SLC30A7: variants seen among roughly 807,000 people sequenced by gnomAD.
The protein encoded by SLC30A7 is zinc transporter 7.
Under a neutral mutation model 46.0 loss-of-function variants are expected in SLC30A7, and 35 were observed. The ratio of observed to expected loss-of-function variants is 0.76; its 90% CI spans 0.58 to 1.01. The LOEUF (loss-of-function observed/expected upper bound fraction) is 1.01. Among genes scored for constraint, SLC30A7 ranks in the 50% least tolerant of loss-of-function variants. SLC30A7 has a pLI of 0.00. For missense variants in SLC30A7, 464 were observed against 451.1 expected, an observed-to-expected ratio of 1.03 and a Z score of -0.26; for synonymous variants, 147 against 157.8, an observed-to-expected ratio of 0.93 and a Z score of 0.51.
intron 8 of SLC30A7, among the ~76,000 whole-genome samples, chr1:100,949,730 TC>T (rs1237245899): frequency 6.6e-6 from 1 of 152,078 alleles, no homozygotes; most frequent in Non-Finnish European, 1.5e-5. Flanking sequence ...CAGATGCCCC[TC>T]CCCCAGCCAG....
intron 10 of SLC30A7, among the ~76,000 whole-genome samples, chr1:100,970,788 A>G (rs1266823813): frequency 1.3e-5 from 2 of 151,894 alleles, no homozygotes; most frequent in Non-Finnish European, 2.9e-5. Context: ...ACACTTCACA[A>G]TCATAACTGT....
In SLC30A7 at chr1:100,915,108, C is replaced by CTTCCTTTTCTTT. The variant is rs1553236516; in HGVS notation, c.655+1304_655+1305insCCTTTTCTTTTT. Among the ~76,000 whole-genome samples the CTTCCTTTTCTTT allele has an allele frequency of 7.2e-4, 110 of 152,060 alleles. 2 individuals carry two copies. Among genetic ancestry groups the CTTCCTTTTCTTT allele is most frequent in the African/African-American group, 2.6e-3 (106 of 41,424 alleles). Reference sequence around the variant, plus strand: ...TGAAAGTTTCCTCCTACTCTCAATTCTTTCTTTTCTTTTTTCTTTTCTTTT... The same window carrying CTTCCTTTTCTTT: ...TGAAAGTTTCCTCCTACTCTCAATTCTTCCTTTTCTTTTTTCTTTTCTTTTTTCTTTTCTTTT... On this transcript the variant is annotated intron_variant, in intron 6 of 10. Coordinates refer to ENST00000357650, the MANE Select transcript of SLC30A7 (RefSeq NM_133496.5).
chr1:100,918,113 G>T lies in SLC30A7; in HGVS notation c.692G>T (p.Arg231Ile). The T allele has an allele frequency of 1.9e-6, 3 of 1,612,684 alleles. No homozygotes were observed. The highest frequency in any genetic ancestry group is 2.5e-6 in the Non-Finnish European group (3 of 1,179,102). Residue 231 changes from arginine to isoleucine, a missense_variant, in exon 7 of 11, where the codon AGA becomes ATA. By Grantham distance (97) the Arg-to-Ile change is moderately conservative. Transcript: ENST00000357650. The part of the protein sequence containing the change: ...PSLKETTGPS[R>I]QILQGVFLHI... ...TTAAAAGAAACAACAGGACCCAGCA[G>T]ACAGATTTTACAAGGTATGACAAGC...
chr1:100,901,488 T>A (rs375504634), intron 2 of SLC30A7, among the ~76,000 whole-genome samples: 2 of 152,238 alleles, frequency 1.3e-5, no homozygotes, highest in East Asian at 3.8e-4. Flanking sequence ...GGAGTCTTAC[T>A]GTGTTGCCCA....
chr1:100,948,512 TTG>T (rs1654772729), intron 8 of SLC30A7, among the ~76,000 whole-genome samples: 1 of 152,146 alleles, frequency 6.6e-6, no homozygotes, highest in Non-Finnish European at 1.5e-5. Context: ...AATCTGACAA[TTG>T]TGTGTCTTGG....
chr1:100,974,757 A>T, intron 10 of SLC30A7, 53 bp from the exon 11 acceptor site: 1 of 1,303,246 alleles, frequency 7.7e-7, no homozygotes, highest in Non-Finnish European at 1.1e-6. Context: ...TGAAATGTGT[A>T]GGGTGTTATT....
At chr1:100,902,501 G>T (rs1166049900) in intron 2 of SLC30A7, among the ~76,000 whole-genome samples, 1 of 152,082 alleles carries the variant, frequency 6.6e-6, no homozygotes, top group Non-Finnish European at 1.5e-5. Flanking sequence ...TGCTAGTCTG[G>T]TGTAATAAAA....
intron 8 of SLC30A7, among the ~76,000 whole-genome samples, chr1:100,948,312 G>C (rs577549395): frequency 9.9e-5 from 15 of 152,200 alleles, no homozygotes; most frequent in Non-Finnish European, 1.8e-4. Flanking sequence ...GCTTAGTTTG[G>C]CTGGATATGA....
chr1:100,947,033 G>A (rs1252434667), intron 8 of SLC30A7, among the ~76,000 whole-genome samples: 1 of 152,122 alleles, frequency 6.6e-6, no homozygotes, highest in African/African-American at 2.4e-5. Flanking sequence ...ATGTGTCAAG[G>A]AATTTATCCA....
intron 10 of SLC30A7, among the ~76,000 whole-genome samples, chr1:100,968,808 A>G (rs1344469399): frequency 1.3e-5 from 2 of 152,234 alleles, no homozygotes; most frequent in Non-Finnish European, 2.9e-5. Context: ...ATGATTTTGC[A>G]TTCCCAGTGC....
chr1:100,915,465 A>G (rs894907364), intron 6 of SLC30A7, among the ~76,000 whole-genome samples: 3 of 151,964 alleles, frequency 2.0e-5, no homozygotes, highest in Non-Finnish European at 4.4e-5. Context: ...GGCAACCACT[A>G]TTCTATTCTC....
At position 100,964,123 on chromosome 1, in the gene SLC30A7, G is replaced by A. The variant is rs1334443997; in HGVS notation, c.934-1646G>A. Among the ~76,000 whole-genome samples the A allele has an allele frequency of 2.0e-5, 3 of 151,780 alleles. No homozygotes were observed. In the South Asian group the frequency reaches 6.2e-4, roughly 31 times the overall value. ...AGAAGGCTAGAGGAAAAAGGAGAAGGTATAAAATAATCTTTTGATACAGGG... is the reference window on the plus strand; with the variant it reads ...AGAAGGCTAGAGGAAAAAGGAGAAGATATAAAATAATCTTTTGATACAGGG... On this transcript the variant is annotated intron_variant, in intron 9 of 10. Transcript: ENST00000357650.
chr1:100,936,448 C>G (rs189197090), intron 8 of SLC30A7, among the ~76,000 whole-genome samples: 8 of 152,028 alleles, frequency 5.3e-5, no homozygotes, highest in African/African-American at 1.9e-4. Flanking sequence ...AGACTCCTGC[C>G]CTAAGTCTCA....
chr1:100,976,103 T>C lies in SLC30A7; in HGVS notation c.*1246T>C, dbSNP rs1205250711. ...AAATTCATCTGTTACACAGAAAATT[T>C]TGACTTAAAACATCTGCTGAATTCC... On this transcript the variant is annotated 3_prime_UTR_variant, in exon 11 of 11. Transcript: ENST00000357650. 1 of 152,464 alleles carries C rather than the reference T, an allele frequency of 6.6e-6. No homozygotes were observed. Among genetic ancestry groups the C allele is most frequent in the Non-Finnish European group, 1.5e-5 (1 of 68,022 alleles). The allele number at this position is 152,464 out of a possible 1,614,324, so 9.4% of individuals were successfully genotyped here. A position where few individuals can be genotyped will look rare whatever the true frequency, so the allele number is the denominator to read the frequency against.
chr1:100,947,695 G>T (rs976359502), intron 8 of SLC30A7, among the ~76,000 whole-genome samples: 1 of 152,138 alleles, frequency 6.6e-6, no homozygotes, highest in Admixed American at 6.6e-5. Context: ...CTCTTTGTAG[G>T]TCTCTAAGGA....
intron 10 of SLC30A7, among the ~76,000 whole-genome samples, chr1:100,970,968 C>G (rs1038284441): frequency 1.3e-5 from 2 of 152,112 alleles, no homozygotes; most frequent in Non-Finnish European, 2.9e-5. Flanking sequence ...TACATATTTA[C>G]TCCTTGATAG....
At chr1:100,984,290 A>T (rs1159619034), downstream of SLC30A7, among the ~76,000 whole-genome samples, 1 of 152,186 alleles carries the variant, frequency 6.6e-6, no homozygotes, top group African/African-American at 2.4e-5. Flanking sequence ...GAAAGTATGA[A>T]ATAGTATCAG....
intron 8 of SLC30A7, among the ~76,000 whole-genome samples, chr1:100,923,570 G>A (rs954784732): frequency 1.3e-5 from 2 of 152,132 alleles, no homozygotes; most frequent in Non-Finnish European, 2.9e-5. Context: ...TTGAGGCCAG[G>A]AGTATAAGAC....
chr1:100,906,496 C>A (rs1204825019), intron 2 of SLC30A7, among the ~76,000 whole-genome samples: 1 of 152,156 alleles, frequency 6.6e-6, no homozygotes, highest in Non-Finnish European at 1.5e-5. Context: ...TGGGTGCAAG[C>A]AGGTATCAGC....
Sources: allele counts gnomAD v4.1 joint callset (sites outside exome capture counted in the v4.1 genomes callset), GRCh38; gene constraint gnomAD v4.1.1; transcripts MANE v1.5; gene names NCBI Gene and HGNC (gene_info 2026-07-23, HGNC 2026-07-21).